Variants in TLN2 observed in about 807,000 individuals in gnomAD.
TLN2 encodes the protein talin 2, also known as talin-2.
TLN2 carries 118 observed loss-of-function variants against 294.7 expected under a neutral mutation model. The observed-to-expected ratio is 0.40, with a 90% CI of 0.34 to 0.47. The LOEUF is 0.47. Among genes scored for constraint, TLN2 ranks in the 20% least tolerant of loss-of-function variants. TLN2 has a pLI of 0.84. For missense variants in TLN2, 3,083 were observed against 3,282.2 expected (o/e 0.94, Z 1.48); for synonymous variants, 1,431 against 1,304.5 (o/e 1.10, Z -2.09).
chr15:62,408,346 T>C (rs1466006315), intron 1 of TLN2, among the ~76,000 whole-genome samples: 1 of 152,204 alleles, frequency 6.6e-6, no homozygotes, highest in Non-Finnish European at 1.5e-5. Context: ...CCTGAATAAA[T>C]TTTTTAAAAC....
chr15:62,595,378 C>T (rs1340116826), intron 2 of TLN2, among the ~76,000 whole-genome samples: 2 of 139,154 alleles, frequency 1.4e-5, no homozygotes, highest in Non-Finnish European at 3.0e-5. Context: ...TGAGATCGTG[C>T]CATTGCACTC....
chr15:62,839,106 T>C (rs577691358), intron 58 of TLN2, 125 bp downstream of exon 58: 45 of 1,334,114 alleles, frequency 3.4e-5, no homozygotes, highest in Non-Finnish European at 4.6e-5. Context: ...GATGGTGTGG[T>C]GTTTCCTTCA....
intron 7 of TLN2, among the ~76,000 whole-genome samples, chr15:62,653,740 A>G (rs565411636): frequency 0.014 from 668 of 49,390 alleles, 6 homozygotes; most frequent in African/African-American, 0.026. Flanking sequence ...AAATAAATAA[A>G]TAAAAATTAA....
At chr15:62,550,306 G>A (rs1295893113) in intron 1 of TLN2, among the ~76,000 whole-genome samples, 1 of 152,188 alleles carries the variant, frequency 6.6e-6, no homozygotes, top group Non-Finnish European at 1.5e-5. Context: ...TTACAGGGGG[G>A]AAAATACCTC....
chr15:62,477,461 T>C lies in TLN2; in HGVS notation c.-238+86776T>C, dbSNP rs181712445. 2.8e-3 allele frequency among the ~76,000 whole-genome samples: 431 copies of C among 152,320 alleles called. 5 individuals carry two copies. Among genetic ancestry groups the C allele is most frequent in the African/African-American group, 0.01 (421 of 41,578 alleles). Reference sequence around the variant, plus strand: ...TCTAGCTGCAGGAGACTGAGTGGTCTGAGATGTGAGCCTGATTGAACAGTA... The same window carrying C: ...TCTAGCTGCAGGAGACTGAGTGGTCCGAGATGTGAGCCTGATTGAACAGTA... On this transcript the variant is annotated intron_variant, in intron 1 of 58. Coordinates refer to ENST00000636159, the MANE Select transcript of TLN2 (RefSeq NM_015059.3).
chr15:62,762,765 C>T (rs1490224223), intron 39 of TLN2, among the ~76,000 whole-genome samples: 2 of 152,272 alleles, frequency 1.3e-5, no homozygotes, highest in African/African-American at 4.8e-5. Flanking sequence ...GTAATATCCC[C>T]AAGGTCACCT....
At chr15:62,467,352 A>G (rs1193551882) in intron 1 of TLN2, among the ~76,000 whole-genome samples, 1 of 152,314 alleles carries the variant, frequency 6.6e-6, no homozygotes, top group East Asian at 1.9e-4. Context: ...TAAACCTAAG[A>G]TATCTTATTG....
chr15:62,717,525 T>C, intron 23 of TLN2, 51 bp from the exon 24 acceptor site: 6 of 1,280,558 alleles, frequency 4.7e-6, no homozygotes, highest in Admixed American at 3.1e-5. Context: ...CTGTAGAACA[T>C]GCATGTATAT....
intron 1 of TLN2, among the ~76,000 whole-genome samples, chr15:62,435,894 T>A (rs959364995): frequency 2.6e-5 from 4 of 152,242 alleles, no homozygotes; most frequent in African/African-American, 9.6e-5. Flanking sequence ...GTGAATACTT[T>A]CCCTCATTTT....
chr15:62,631,650 C>CTTCTTT (rs1555451411), intron 3 of TLN2, among the ~76,000 whole-genome samples: 9 of 140,072 alleles, frequency 6.4e-5, no homozygotes, highest in African/African-American at 1.1e-4. Context: ...TCTTTCTTTC[C>CTTCTTT]TTCTTTTTCT....
chr15:62,766,269 A>G, intron 40 of TLN2, 52 bp from the exon 41 acceptor site: 1 of 1,521,350 alleles, frequency 6.6e-7, no homozygotes, highest in Non-Finnish European at 9.1e-7. Flanking sequence ...GAATCAGTGC[A>G]GCTCTGTGGG....
chr15:62,626,656 A>G (rs1055874903), intron 3 of TLN2, among the ~76,000 whole-genome samples: 1 of 152,230 alleles, frequency 6.6e-6, no homozygotes. Flanking sequence ...GGCCACTCTG[A>G]CATCACCTGG....
At chr15:62,489,004 T>C (rs1018637182) in intron 1 of TLN2, among the ~76,000 whole-genome samples, 2 of 152,026 alleles carry the variant, frequency 1.3e-5, no homozygotes, top group African/African-American at 4.8e-5. Flanking sequence ...CTACTAAAAA[T>C]ACAAAAATTA....
chr15:62,590,979 A>AT (rs66464929), intron 2 of TLN2, among the ~76,000 whole-genome samples: 258 of 143,382 alleles, frequency 1.8e-3, no homozygotes, highest in Admixed American at 4.6e-3. Flanking sequence ...ACCTATTTCT[A>AT]TTTTTTTTTT....
chr15:62,492,083 T>C (rs921030157), intron 1 of TLN2, among the ~76,000 whole-genome samples: 1 of 152,064 alleles, frequency 6.6e-6, no homozygotes, highest in African/African-American at 2.4e-5. Flanking sequence ...TATTCAGATG[T>C]ATTTTGATAA....
chr15:62,638,520 T>A (rs1169608879), intron 3 of TLN2: 2 of 455,966 alleles, frequency 4.4e-6, no homozygotes, highest in Non-Finnish European at 8.8e-6. Flanking sequence ...GTGCATACCC[T>A]CTCTGTTCAC....
intron 58 of TLN2, among the ~76,000 whole-genome samples, chr15:62,839,725 C>T (rs552164302): frequency 2.0e-4 from 31 of 152,340 alleles, no homozygotes; most frequent in African/African-American, 6.0e-4. Context: ...TCCTGAACCA[C>T]GCCCTGTGTT....
At chr15:62,609,518 C>G (rs944670058) in intron 2 of TLN2, among the ~76,000 whole-genome samples, 8 of 152,226 alleles carry the variant, frequency 5.3e-5, no homozygotes, top group African/African-American at 1.9e-4. Flanking sequence ...ACCTTCATAA[C>G]CTTGACCCTC....
At chr15:62,410,719 C>T (rs2033724089) in intron 1 of TLN2, among the ~76,000 whole-genome samples, 1 of 152,212 alleles carries the variant, frequency 6.6e-6, no homozygotes, top group Non-Finnish European at 1.5e-5. Context: ...AGAACCACAT[C>T]TGGCACATGT....
Sources: gnomAD v4.1 joint callset for allele counts (sites outside exome capture counted in the v4.1 genomes callset) on GRCh38, gnomAD v4.1.1 for gene constraint, MANE v1.5 for transcripts, NCBI Gene and HGNC (gene_info 2026-07-23, HGNC 2026-07-21) for gene names.